TMEM131L: variants seen among roughly 807,000 people sequenced by gnomAD.
TMEM131L encodes the protein transmembrane 131 like.
TMEM131L carries 54 observed loss-of-function variants against 192.2 expected under a neutral mutation model. That is an observed-to-expected ratio of 0.28 (90% CI 0.23 to 0.35). The LOEUF is 0.35. Ranked by LOEUF, TMEM131L falls within the 10% of genes least tolerant of loss-of-function variation. The probability of loss-of-function intolerance (pLI) is 1.00; values close to 1 mark genes in which losing one functional copy is unlikely to be tolerated. For synonymous variants in TMEM131L, 701 were observed against 704.9 expected (o/e 0.99, Z 0.09); for missense variants, 1,888 against 1,972.9 (o/e 0.96, Z 0.82).
intron 3 of TMEM131L, 28 bp from the exon 4 acceptor site, chr4:153,550,045 A>C (rs1737488280): frequency 1.5e-5 from 19 of 1,262,594 alleles, no homozygotes; most frequent in Non-Finnish European, 1.9e-5. Flanking sequence ...AAACTACAAC[A>C]AAATCAACCT....
At chr4:153,544,653 A>C (rs1033680683) in intron 3 of TMEM131L, among the ~76,000 whole-genome samples, 8 of 152,226 alleles carry the variant, frequency 5.3e-5, no homozygotes, top group Admixed American at 4.6e-4. Context: ...TACTGGAAGC[A>C]GCCTTTGTTC....
At chr4:153,475,567 T>C (rs1365165638) in intron 3 of TMEM131L, among the ~76,000 whole-genome samples, 1 of 152,222 alleles carries the variant, frequency 6.6e-6, no homozygotes, top group East Asian at 1.9e-4. Flanking sequence ...TTTCTGTGTT[T>C]AATTACCTAT....
chr4:153,543,591 C>A (rs146695876), intron 3 of TMEM131L, among the ~76,000 whole-genome samples: 1 of 152,132 alleles, frequency 6.6e-6, no homozygotes, highest in Non-Finnish European at 1.5e-5. Context: ...GGTATAGACA[C>A]CCCCCAGGCT....
intron 2 of TMEM131L, among the ~76,000 whole-genome samples, chr4:153,468,086 A>T (rs531379187): frequency 6.6e-6 from 1 of 152,246 alleles, no homozygotes; most frequent in Non-Finnish European, 1.5e-5. Flanking sequence ...TAAGATGTTC[A>T]TTACTTCCCA....
chr4:153,588,615 T>A (rs554260541), intron 15 of TMEM131L, among the ~76,000 whole-genome samples: 68 of 152,104 alleles, frequency 4.5e-4, no homozygotes, highest in Non-Finnish European at 8.1e-4. Flanking sequence ...AAGTATAATT[T>A]TGTTTCAGGC....
chr4:153,586,465 C>A, intron 14 of TMEM131L, 86 bp downstream of exon 14: 1 of 958,650 alleles, frequency 1.0e-6, no homozygotes, highest in Non-Finnish European at 1.5e-6. Flanking sequence ...GTTTTATTAA[C>A]TGGGTTAAGC....
chr4:153,474,022 G>A (rs1731351356), intron 3 of TMEM131L, 134 bp downstream of exon 3: 1 of 559,618 alleles, frequency 1.8e-6, no homozygotes, highest in Non-Finnish European at 3.1e-6. Context: ...TTTGGCATTT[G>A]TCGTATCTAT....
intron 29 of TMEM131L, among the ~76,000 whole-genome samples, chr4:153,625,314 G>A (rs1027804841): frequency 6.6e-6 from 1 of 152,058 alleles, no homozygotes; most frequent in African/African-American, 2.4e-5. Flanking sequence ...GGAGGCTGAG[G>A]CAGGAGGCGG....
intron 3 of TMEM131L, among the ~76,000 whole-genome samples, chr4:153,493,566 A>C (rs2149910923): frequency 6.6e-6 from 1 of 152,168 alleles, no homozygotes; most frequent in South Asian, 2.1e-4. Flanking sequence ...AGGCTGAGGC[A>C]GGAGAATCAC....
intron 26 of TMEM131L, among the ~76,000 whole-genome samples, chr4:153,620,365 A>G (rs899067318): frequency 6.6e-6 from 1 of 152,172 alleles, no homozygotes; most frequent in African/African-American, 2.4e-5. Context: ...TAAAGACACA[A>G]CTTGATCCTA....
At chr4:153,609,827 A>G (rs1732490594) in intron 25 of TMEM131L, among the ~76,000 whole-genome samples, 1 of 152,166 alleles carries the variant, frequency 6.6e-6, no homozygotes, top group Non-Finnish European at 1.5e-5. Context: ...TTTTGAGGCA[A>G]ATATCTGTAT....
At chr4:153,635,305 C>T (rs992622507) in intron 33 of TMEM131L, 127 bp from the exon 34 acceptor site, 16 of 823,412 alleles carry the variant, frequency 1.9e-5, no homozygotes, top group South Asian at 8.5e-5. Context: ...CTGGTCCACA[C>T]GGACCAAGTA....
intron 25 of TMEM131L, 22 bp from the exon 26 acceptor site, chr4:153,612,230 G>T: frequency 6.7e-7 from 1 of 1,495,950 alleles, no homozygotes. Flanking sequence ...GCTAGAAATT[G>T]AATTGTTTTT....
At chr4:153,570,196 C>T (rs757990120) in intron 7 of TMEM131L, among the ~76,000 whole-genome samples, 3 of 152,080 alleles carry the variant, frequency 2.0e-5, no homozygotes, top group South Asian at 2.1e-4. Flanking sequence ...CTTAATGAAA[C>T]GCACAAGAAT....
rs542955717 is a variant in TMEM131L, at chr4:153,627,488, G to A, written c.4125-117G>A. 4 of 693,004 alleles carry A rather than the reference G, an allele frequency of 5.8e-6. No homozygotes were observed. The East Asian group carries it at 8.1e-5, about 14-fold the overall frequency. The allele number at this position is 693,004 out of a possible 1,614,324, so 42.9% of individuals were successfully genotyped here. A position where few individuals can be genotyped will look rare whatever the true frequency, so the allele number is the denominator to read the frequency against. ...TTATATCTGTATGTTTCTTCCCCAA[G>A]AAACTCTTCCCCAAGACTTCAATTG... On this transcript the variant is annotated intron_variant, in intron 30 of 34. Transcript: ENST00000409959.
At chr4:153,589,601 C>T (rs1730931547) in intron 16 of TMEM131L, among the ~76,000 whole-genome samples, 1 of 152,092 alleles carries the variant, frequency 6.6e-6, no homozygotes, top group South Asian at 2.1e-4. Flanking sequence ...ATTTTCAGAC[C>T]CCAGTTGACC....
intron 25 of TMEM131L, among the ~76,000 whole-genome samples, chr4:153,607,558 A>G (rs753968381): frequency 6.6e-6 from 1 of 152,218 alleles, no homozygotes; most frequent in Non-Finnish European, 1.5e-5. Context: ...CCCAAAGTAT[A>G]CAAATGGTCT....
Position 153,634,243 on chromosome 4 carries a change from T to G in TMEM131L, c.4380T>G (p.Cys1460Trp). Residue 1460 changes from cysteine to tryptophan, a missense_variant, in exon 33 of 35, where the codon TGT (cysteine) becomes TGG (tryptophan). Physicochemically the swap from Cys to Trp is radical, Grantham distance 215. Transcript: ENST00000409959. ...AAGGCCAGTTTTCCAGCGCATACTG[T>G]CCATTGGAATTGAACGATTACAATG... ...TCEGQFSSAY[C>W]PLELNDYNAF... 1 of 1,614,136 alleles carries G rather than the reference T, an allele frequency of 6.2e-7. No homozygotes were observed. The highest frequency in any genetic ancestry group is 8.5e-7 in the Non-Finnish European group (1 of 1,179,962).
At chr4:153,518,370 C>T (rs931975584) in intron 3 of TMEM131L, among the ~76,000 whole-genome samples, 2 of 152,176 alleles carry the variant, frequency 1.3e-5, no homozygotes, top group Non-Finnish European at 2.9e-5. Flanking sequence ...GAAGGGAACA[C>T]ACGAGAGCAG....
Sources: allele counts gnomAD v4.1 joint callset (sites outside exome capture counted in the v4.1 genomes callset), GRCh38; gene constraint gnomAD v4.1.1; transcripts MANE v1.5; gene names NCBI Gene and HGNC (gene_info 2026-07-23, HGNC 2026-07-21).